Variants in HSD17B14 observed in about 807,000 individuals in gnomAD.
HSD17B14 encodes hydroxysteroid 17-beta dehydrogenase 14, also known as L-fucose dehydrogenase.
Under a neutral mutation model 32.2 loss-of-function variants are expected in HSD17B14, and 32 were observed. That is an observed-to-expected ratio of 0.99 (90% CI 0.75 to 1.33). The LOEUF is 1.33. HSD17B14 is among the 40% of genes most tolerant of loss of function. The pLI is 0.00. For missense variants in HSD17B14, 370 were observed against 366.5 expected, an observed-to-expected ratio of 1.01 and a Z score of -0.08; for synonymous variants, 140 against 155.4, an observed-to-expected ratio of 0.90 and a Z score of 0.74.
intron 5 of HSD17B14, among the ~76,000 whole-genome samples, chr19:48,827,847 CCTTTTTTTTTT>C (rs1176035914): frequency 0.016 from 2,400 of 146,436 alleles, 81 homozygotes; most frequent in African/African-American, 0.059. Context: ...CCTTCTCCTT[CCTTTTTTTTTT>C]CTTTTTTTTT....
Position 48,813,364 on chromosome 19 carries a change from G to C in HSD17B14, c.640-16C>G, listed in dbSNP as rs770827145. ...GGCCCAGTGGCTGGGGAGAAAAGAG[G>C]GGGGAAGGAGGTCAAGAGGAGCCCC... On this transcript the variant is annotated splice_polypyrimidine_tract_variant and intron_variant, in intron 8 of 8. Coordinates refer to ENST00000263278, the MANE Select transcript of HSD17B14 (RefSeq NM_016246.3). The C allele has an allele frequency of 3.8e-6, 6 of 1,562,006 alleles. No individual in the cohort carries two copies. Among genetic ancestry groups the C allele is most frequent in the Middle Eastern group, 1.7e-4 (1 of 5,998 alleles).
At position 48,817,823 on chromosome 19, in the gene HSD17B14, C is replaced by T. The variant is rs568814829; in HGVS notation, c.370-2682G>A. 3.3e-5 allele frequency among the ~76,000 whole-genome samples: 5 copies of T among 152,268 alleles called. No individual in the cohort carries two copies. The East Asian group carries it at 9.7e-4, about 29-fold the overall frequency. ...TTTACATGGATTAGCTCATTTCATC[C>T]CTCTAACATTCTCCTGTACCTACAA... On this transcript the variant is annotated intron_variant, in intron 5 of 8. Coordinates refer to ENST00000263278, the MANE Select transcript of HSD17B14 (RefSeq NM_016246.3).
chr19:48,819,446 C>T (rs2035110643), intron 5 of HSD17B14, among the ~76,000 whole-genome samples: 1 of 152,198 alleles, frequency 6.6e-6, no homozygotes, highest in African/African-American at 2.4e-5. Flanking sequence ...CTCCCTATTG[C>T]TCTTGACATA....
intron 5 of HSD17B14, among the ~76,000 whole-genome samples, chr19:48,830,768 T>C (rs981524260): frequency 7.9e-5 from 12 of 152,094 alleles, no homozygotes; most frequent in Admixed American, 7.2e-4. Context: ...AGGGATCCTC[T>C]TGCCTCGGCC....
intron 5 of HSD17B14, among the ~76,000 whole-genome samples, chr19:48,825,972 C>T (rs1302540863): frequency 6.6e-6 from 1 of 152,072 alleles, no homozygotes; most frequent in East Asian, 1.9e-4. Context: ...AGGCACCCGC[C>T]ACCGCGCACA....
intron 3 of HSD17B14, 49 bp from the exon 4 acceptor site, chr19:48,832,781 C>G: frequency 4.8e-6 from 7 of 1,468,132 alleles, no homozygotes; most frequent in Non-Finnish European, 6.6e-6. Context: ...GAGACGGTGT[C>G]TCCCTCTTGT....
intron 5 of HSD17B14, among the ~76,000 whole-genome samples, chr19:48,823,855 G>A (rs916090068): frequency 6.6e-6 from 1 of 150,696 alleles, no homozygotes; most frequent in Non-Finnish European, 1.5e-5. Flanking sequence ...TAGCCAGGCT[G>A]GTCTTGAACT....
intron 5 of HSD17B14, among the ~76,000 whole-genome samples, chr19:48,825,875 C>T (rs2035235355): frequency 6.6e-6 from 1 of 152,022 alleles, no homozygotes; most frequent in Non-Finnish European, 1.5e-5. Context: ...GGCTGGAGTG[C>T]AGTGGCGCGA....
intron 5 of HSD17B14, among the ~76,000 whole-genome samples, chr19:48,823,935 C>T (rs1362721498): frequency 6.7e-6 from 1 of 150,354 alleles, no homozygotes; most frequent in Non-Finnish European, 1.5e-5. Flanking sequence ...GCCACTGCAT[C>T]CGGTCTATTT....
At chr19:48,827,602 A>G (rs1322152589) in intron 5 of HSD17B14, among the ~76,000 whole-genome samples, 2 of 151,662 alleles carry the variant, frequency 1.3e-5, no homozygotes, top group Non-Finnish European at 2.9e-5. Flanking sequence ...CAGTGGTGCA[A>G]TCTCAGCTCA....
Position 48,835,827 on chromosome 19 carries a change from T to C in HSD17B14, c.105A>G (p.Arg35=). 1 of 1,613,564 alleles carries C rather than the reference T, an allele frequency of 6.2e-7. No homozygotes were observed. Among genetic ancestry groups the C allele is most frequent in the African/African-American group, 1.3e-5 (1 of 74,926 alleles). Residue 35 remains arginine, a synonymous_variant, in exon 2 of 9, where the codon CGA becomes CGG. Coordinates refer to ENST00000263278, the MANE Select transcript of HSD17B14 (RefSeq NM_016246.3). ...CACCATCCTTGTCGCAGATAACCAC[T>C]CGGGCCCCGCTGTTCACTGAGAATA... ...IVRAFVNSGA[R]VVICDKDESG...
chr19:48,818,539 C>A (rs529834964), intron 5 of HSD17B14, among the ~76,000 whole-genome samples: 80 of 152,004 alleles, frequency 5.3e-4, no homozygotes, highest in Non-Finnish European at 8.1e-4. Context: ...TCTCCTCCCC[C>A]ACCTGACCCT....
intron 5 of HSD17B14, among the ~76,000 whole-genome samples, chr19:48,820,132 G>C (rs756001399): frequency 2.6e-5 from 4 of 151,970 alleles, no homozygotes; most frequent in African/African-American, 4.8e-5. Flanking sequence ...ACTCCAGCAT[G>C]GGCAACACAG....
At chr19:48,813,889 T>A (rs924682008) in intron 6 of HSD17B14, among the ~76,000 whole-genome samples, 159 bp from the exon 7 acceptor site, 1 of 152,178 alleles carries the variant, frequency 6.6e-6, no homozygotes, top group Non-Finnish European at 1.5e-5. Context: ...TGGGAGAAAC[T>A]TGGCATAGAA....
At chr19:48,829,602 GC>G (rs2035303283) in intron 5 of HSD17B14, among the ~76,000 whole-genome samples, 1 of 146,912 alleles carries the variant, frequency 6.8e-6, no homozygotes, top group Admixed American at 6.9e-5. Flanking sequence ...CTCCCAAAGT[GC>G]CAGGATTACA....
chr19:48,825,882 G>A (rs564659868), intron 5 of HSD17B14, among the ~76,000 whole-genome samples: 1 of 151,782 alleles, frequency 6.6e-6, no homozygotes, highest in Non-Finnish European at 1.5e-5. Context: ...GTGCAGTGGC[G>A]CGATCTCGGC....
chr19:48,823,829 C>T (rs930897543), intron 5 of HSD17B14, among the ~76,000 whole-genome samples: 2 of 151,094 alleles, frequency 1.3e-5, no homozygotes, highest in Non-Finnish European at 3.0e-5. Context: ...TCAGTAGAGA[C>T]GTGGTTTCAC....
At chr19:48,818,683 G>T (rs1321082082) in intron 5 of HSD17B14, among the ~76,000 whole-genome samples, 1 of 152,114 alleles carries the variant, frequency 6.6e-6, no homozygotes, top group Non-Finnish European at 1.5e-5. Flanking sequence ...CCTCAAGGTT[G>T]CTAAGCACCT....
intron 5 of HSD17B14, among the ~76,000 whole-genome samples, chr19:48,817,002 A>ATTTT (rs758061335): frequency 6.1e-5 from 6 of 97,564 alleles, no homozygotes; most frequent in African/African-American, 2.6e-4. Context: ...CACCAGGATA[A>ATTTT]TTTTTTTTTT....
Sources: allele counts gnomAD v4.1 joint callset (sites outside exome capture counted in the v4.1 genomes callset), GRCh38; gene constraint gnomAD v4.1.1; transcripts MANE v1.5; gene names NCBI Gene and HGNC (gene_info 2026-07-23, HGNC 2026-07-21).